Variants in NFATC2 observed in about 807,000 individuals in gnomAD.
NFATC2 encodes nuclear factor of activated T-cells, cytoplasmic 2.
In NFATC2, 22 loss-of-function variants were observed where a neutral mutation model predicts 87.3. That is an observed-to-expected ratio of 0.25 (90% CI 0.18 to 0.36). The LOEUF (loss-of-function observed/expected upper bound fraction) is 0.36. Ranked by LOEUF, NFATC2 falls within the 10% of genes least tolerant of loss-of-function variation. The pLI is 1.00. For synonymous variants in NFATC2, 565 were observed against 542.2 expected, an observed-to-expected ratio of 1.04 and a Z score of -0.58; for missense variants, 1,149 against 1,259.1, an observed-to-expected ratio of 0.91 and a Z score of 1.32.
chr20:51,498,316 A>G (rs1467409168), intron 3 of NFATC2, among the ~76,000 whole-genome samples: 1 of 152,212 alleles, frequency 6.6e-6, no homozygotes, highest in Non-Finnish European at 1.5e-5. Context: ...ACAACCTCTC[A>G]ACCGCTGTTC....
chr20:51,455,623 GC>G (rs1569000334), intron 5 of NFATC2, among the ~76,000 whole-genome samples: 2 of 142,596 alleles, frequency 1.4e-5, no homozygotes, highest in Middle Eastern at 3.4e-3. Context: ...TAGCATATAA[GC>G]CCAGGAAGGA....
intron 3 of NFATC2, among the ~76,000 whole-genome samples, chr20:51,491,624 G>A (rs775497967): frequency 2.0e-5 from 3 of 152,042 alleles, no homozygotes; most frequent in East Asian, 1.9e-4. Context: ...GTGGATACAC[G>A]GATGCCTATG....
intron 9 of NFATC2, among the ~76,000 whole-genome samples, chr20:51,427,369 A>G (rs1271214160): frequency 5.3e-5 from 8 of 152,038 alleles, no homozygotes; most frequent in Non-Finnish European, 1.2e-4. Flanking sequence ...GCCGCCCCTC[A>G]TTTTATGCAA....
At chr20:51,537,878 C>T (rs1050927437) in intron 1 of NFATC2, among the ~76,000 whole-genome samples, 1 of 152,270 alleles carries the variant, frequency 6.6e-6, no homozygotes, top group African/African-American at 2.4e-5. Flanking sequence ...CTAGTGAATA[C>T]GTTTGAAACC....
intron 1 of NFATC2, among the ~76,000 whole-genome samples, chr20:51,556,747 C>T (rs1010418591): frequency 6.6e-6 from 1 of 152,144 alleles, no homozygotes; most frequent in African/African-American, 2.4e-5. Context: ...CAAAGGCCAG[C>T]ATGGAAGCAG....
intron 3 of NFATC2, among the ~76,000 whole-genome samples, chr20:51,479,112 G>T (rs1380465361): frequency 6.7e-6 from 1 of 149,544 alleles, no homozygotes; most frequent in Non-Finnish European, 1.5e-5. Flanking sequence ...ATAGATCAGG[G>T]CTTTTTTTTT....
chr20:51,508,379 C>A (rs940250387), intron 3 of NFATC2, among the ~76,000 whole-genome samples: 4 of 152,176 alleles, frequency 2.6e-5, no homozygotes, highest in African/African-American at 7.2e-5. Context: ...TCGACCACTG[C>A]GGGCATCCCT....
In NFATC2 at chr20:51,446,220, G is replaced by A. The variant is rs113692278; in HGVS notation, c.1849+8328C>T. ...TAAGGACAGGAGAGGAATTCACCTC[G>A]CCAAGAAGGACTCTTCTCCCAGACA... On this transcript the variant is annotated intron_variant, in intron 6 of 10. Transcript: ENST00000371564. Among the ~76,000 whole-genome samples the A allele has an allele frequency of 3.6e-3, 543 of 152,270 alleles. 5 individuals are homozygous for A. Among genetic ancestry groups the A allele is most frequent in the African/African-American group, 0.012 (513 of 41,556 alleles).
At chr20:51,550,613 T>A (rs1019505372) in intron 1 of NFATC2, among the ~76,000 whole-genome samples, 1 of 151,942 alleles carries the variant, frequency 6.6e-6, no homozygotes, top group Non-Finnish European at 1.5e-5. Context: ...ATAATAATAA[T>A]AAATACAAAG....
rs1317449106 is a variant in NFATC2 at position 51,562,469 on chromosome 20, G to A, written c.70+91C>T. The A allele has an allele frequency of 8.3e-7, 1 of 1,203,248 alleles. No individual in the cohort carries two copies. Among genetic ancestry groups the A allele is most frequent in the East Asian group, 2.7e-5 (1 of 37,256 alleles). The allele number at this position is 1,203,248 out of a possible 1,614,324, so 74.5% of individuals were successfully genotyped here. On this transcript the variant is annotated intron_variant, in intron 1 of 10. Transcript: ENST00000414705. The surrounding 1 kb of genome is among the most constrained non-coding windows in gnomAD (Gnocchi z 5.8). Reference sequence around the variant, plus strand: ...CAGGCCTCCCGCACCGACCTCTGCCGGGAGCTGAAAGTGCTGCCCGGGACG... The same window carrying A: ...CAGGCCTCCCGCACCGACCTCTGCCAGGAGCTGAAAGTGCTGCCCGGGACG...
At chr20:51,447,531 G>T (rs1041552228) in intron 6 of NFATC2, among the ~76,000 whole-genome samples, 1 of 152,176 alleles carries the variant, frequency 6.6e-6, no homozygotes, top group Non-Finnish European at 1.5e-5. Flanking sequence ...CCACCCAGGC[G>T]CAGCGAGTCG....
chr20:51,411,402 A>G (rs13039138), intron 9 of NFATC2, among the ~76,000 whole-genome samples: 1,881 of 152,064 alleles, frequency 0.012, 130 homozygotes, highest in Admixed American at 0.11. Context: ...TACTAGCCCC[A>G]GTGTTCTTTA....
chr20:51,542,829 A>T, upstream of NFATC2: 1 of 593,512 alleles, frequency 1.7e-6, no homozygotes, highest in Non-Finnish European at 2.0e-6. Flanking sequence ...ACCGGAGGGG[A>T]GGGGCGCGCG....
chr20:51,450,257 G>A (rs1474543780), intron 6 of NFATC2, among the ~76,000 whole-genome samples: 1 of 152,318 alleles, frequency 6.6e-6, no homozygotes, highest in Admixed American at 6.5e-5. Context: ...CTGTGCTGGT[G>A]ACCGCTGTGG....
chr20:51,489,072 C>G (rs956704904), intron 3 of NFATC2, among the ~76,000 whole-genome samples: 1 of 152,218 alleles, frequency 6.6e-6, no homozygotes, highest in African/African-American at 2.4e-5. Flanking sequence ...CGCCTGCAAT[C>G]CCAGCTACTC....
chr20:51,555,887 G>A (rs1425402704), intron 1 of NFATC2, among the ~76,000 whole-genome samples: 6 of 152,154 alleles, frequency 3.9e-5, no homozygotes, highest in African/African-American at 9.7e-5. Flanking sequence ...AGATTGAATC[G>A]TCCCTCCTGA....
intron 9 of NFATC2, among the ~76,000 whole-genome samples, chr20:51,427,481 G>T (rs1982014065): frequency 6.6e-6 from 1 of 152,148 alleles, no homozygotes; most frequent in Non-Finnish European, 1.5e-5. Context: ...CACTCCCTGT[G>T]AAATGCACCG....
chr20:51,460,080 G>T (rs1032352569), intron 5 of NFATC2, among the ~76,000 whole-genome samples: 3 of 152,174 alleles, frequency 2.0e-5, no homozygotes, highest in Non-Finnish European at 1.5e-5. Context: ...TTAGCACACA[G>T]TAACAACTCA....
In NFATC2 at chr20:51,400,916, A is replaced by G. The variant is rs188702249; in HGVS notation, c.2723-2186T>C. Reference sequence around the variant, plus strand: ...CTAGTCCTGGGCTAGGGTTTCCCCAATTTGAAAGATCTTCTGGCTGCCCTG... The same window carrying G: ...CTAGTCCTGGGCTAGGGTTTCCCCAGTTTGAAAGATCTTCTGGCTGCCCTG... On this transcript the variant is annotated intron_variant, in intron 9 of 10. Coordinates refer to ENST00000371564, the MANE Select transcript of NFATC2 (RefSeq NM_012340.5). 2.0e-3 allele frequency among the ~76,000 whole-genome samples: 309 copies of G among 152,252 alleles called. 1 individual carries two copies. Among genetic ancestry groups the G allele is most frequent in the African/African-American group, 6.9e-3 (288 of 41,554 alleles).
Sources: allele counts gnomAD v4.1 joint callset (sites outside exome capture counted in the v4.1 genomes callset), GRCh38; gene constraint gnomAD v4.1.1; non-coding constraint Gnocchi (gnomAD v3.1); transcripts MANE v1.5; gene names NCBI Gene and HGNC (gene_info 2026-07-23, HGNC 2026-07-21).